PFKM: variants seen among roughly 807,000 people sequenced by gnomAD.
The protein encoded by PFKM is phosphofructokinase, muscle.
PFKM carries 58 observed loss-of-function variants against 95.5 expected under a neutral mutation model. The ratio of observed to expected loss-of-function variants is 0.61; its 90% CI spans 0.49 to 0.76. PFKM has a LOEUF of 0.76. Ranked by LOEUF, PFKM falls within the 30% of genes least tolerant of loss-of-function variation. The pLI is 0.00. For missense variants in PFKM, 678 were observed against 1,005.4 expected (o/e 0.67, Z 4.40); for synonymous variants, 336 against 357.2 (o/e 0.94, Z 0.67).
chr12:48,120,851 T>C (rs568682647), intron 1 of PFKM, among the ~76,000 whole-genome samples: 22 of 152,292 alleles, frequency 1.4e-4, no homozygotes, highest in Non-Finnish European at 2.9e-4. Context: ...ACGAAACTAT[T>C]AAAATGCCAC....
intron 14 of PFKM, 92 bp from the exon 15 acceptor site, chr12:48,141,219 G>GGGT: frequency 8.3e-7 from 1 of 1,197,956 alleles, no homozygotes; most frequent in East Asian, 2.3e-5. Context: ...GGGGATCCAG[G>GGGT]GGTAGGGTTA....
chr12:48,128,973 A>G (rs1272673369), intron 2 of PFKM, among the ~76,000 whole-genome samples: 2 of 152,164 alleles, frequency 1.3e-5, no homozygotes, highest in Non-Finnish European at 2.9e-5. Flanking sequence ...TCTCTCACCA[A>G]TAAGGCCATG....
At chr12:48,115,692 G>A (rs1236837059), upstream of PFKM, among the ~76,000 whole-genome samples, 1 of 152,132 alleles carries the variant, frequency 6.6e-6, no homozygotes, top group Non-Finnish European at 1.5e-5. Context: ...ACCATCTTGG[G>A]CACATGTTCT....
At position 48,130,381 on chromosome 12, in the gene PFKM, G is replaced by T; in HGVS notation, c.104G>T (p.Arg35Met). 5.6e-6 allele frequency: 9 copies of T among 1,613,966 alleles called. No individual in the cohort carries two copies. Among genetic ancestry groups the T allele is most frequent in the Non-Finnish European group, 6.8e-6 (8 of 1,179,816 alleles). The change falls in exon 3 of 23, where the codon AGG becomes ATG. Residue 35 changes from arginine (R) to methionine (M), a missense_variant. Arg to Met is a moderately conservative substitution (Grantham distance 91, BLOSUM62 -1). Coordinates refer to ENST00000359794, the MANE Select transcript of PFKM (RefSeq NM_000289.6). ...CTTTCAGGTATGAATGCTGCTGTCA[G>T]GGCTGTGGTTCGAGTTGGTATCTTC... ...GDAQGMNAAV[R>M]AVVRVGIFTG...
At chr12:48,142,318 C>T in intron 17 of PFKM, 1 of 507,988 alleles carries the variant, frequency 2.0e-6, no homozygotes, top group South Asian at 2.0e-5. Context: ...ACTAAAAATA[C>T]AAAAACTAGC....
chr12:48,134,261 TG>T lies in PFKM; in HGVS notation c.626del (p.Gly209AlafsTer113). ...SHQRTFVLEV[M>X]GRHCGYLALV... ...CAGAGGACATTTGTGTTAGAAGTAA[TG>T]GGCCGCCACTGTGGGTAAGATCCTC... On this transcript the variant is annotated frameshift_variant, in exon 7 of 23. Coordinates refer to ENST00000359794, the MANE Select transcript of PFKM (RefSeq NM_000289.6). LOFTEE classifies it high-confidence loss of function. 1 of 1,613,910 alleles carries T rather than the reference TG, an allele frequency of 6.2e-7. No individual in the cohort carries two copies. Among genetic ancestry groups the T allele is most frequent in the Non-Finnish European group, 8.5e-7 (1 of 1,179,780 alleles).
chr12:48,106,029 G>A (rs1434091793), exon 1 of PFKM: 2 of 701,412 alleles, frequency 2.9e-6, no homozygotes, highest in African/African-American at 1.7e-5. Context: ...GCCACTCACC[G>A]AACCGGAACC....
chr12:48,142,512 G>GT, intron 17 of PFKM: 1 of 487,794 alleles, frequency 2.1e-6, no homozygotes, highest in Non-Finnish European at 3.6e-6. Flanking sequence ...CAAATGTTTT[G>GT]TTTGTTTTTT....
intron 1 of PFKM, among the ~76,000 whole-genome samples, chr12:48,121,786 A>T (rs1475112119): frequency 6.6e-6 from 1 of 152,202 alleles, no homozygotes; most frequent in African/African-American, 2.4e-5. Context: ...GAGGGGATGG[A>T]TAAAGGAAGA....
chr12:48,108,958 A>G (rs986320931), intron 3 of PFKM, among the ~76,000 whole-genome samples: 2 of 152,244 alleles, frequency 1.3e-5, no homozygotes, highest in African/African-American at 2.4e-5. Flanking sequence ...CAGAAAGTTG[A>G]TAATTTCATT....
At chr12:48,118,495 A>G (rs566754366), upstream of PFKM, 7 of 1,489,810 alleles carry the variant, frequency 4.7e-6, 1 homozygote, top group South Asian at 8.4e-5. Flanking sequence ...GTGCAGAGGT[A>G]GAGATACAAG....
At chr12:48,107,373 C>T in exon 2 of PFKM, 1 of 1,591,796 alleles carries the variant, frequency 6.3e-7, no homozygotes, top group Non-Finnish European at 8.5e-7. Flanking sequence ...AGGAGGCAGC[C>T]ATGCATAAAG....
intron 2 of PFKM, among the ~76,000 whole-genome samples, chr12:48,127,597 A>G (rs575322511): frequency 1.7e-4 from 26 of 152,220 alleles, no homozygotes; most frequent in African/African-American, 6.0e-4. Context: ...TTTTGTCCCA[A>G]ATGCTACTCT....
At chr12:48,135,601 G>A (rs568759976) in intron 10 of PFKM, among the ~76,000 whole-genome samples, 23 of 152,224 alleles carry the variant, frequency 1.5e-4, no homozygotes, top group Non-Finnish European at 2.5e-4. Flanking sequence ...CTAATGGTGA[G>A]GAACAATATC....
At chr12:48,113,859 A>G (rs1440070534) in intron 3 of PFKM, among the ~76,000 whole-genome samples, 1 of 152,174 alleles carries the variant, frequency 6.6e-6, no homozygotes, top group South Asian at 2.1e-4. Context: ...TAAAATGCTT[A>G]TTAGGAATAA....
chr12:48,140,017 C>A, intron 13 of PFKM, 105 bp downstream of exon 13: 1 of 751,460 alleles, frequency 1.3e-6, no homozygotes, highest in South Asian at 1.5e-5. Context: ...GCCAACTTCT[C>A]TGCCCCACTC....
chr12:48,141,671 C>G, intron 15 of PFKM, 69 bp from the exon 16 acceptor site: 1 of 1,172,086 alleles, frequency 8.5e-7, no homozygotes, highest in Non-Finnish European at 1.3e-6. Flanking sequence ...CTTTTCTCCC[C>G]CTCAATTTTC....
At chr12:48,106,987 A>T (rs1195517567) in intron 1 of PFKM, among the ~76,000 whole-genome samples, 1 of 152,188 alleles carries the variant, frequency 6.6e-6, no homozygotes, top group Non-Finnish European at 1.5e-5. Flanking sequence ...TTGTTCATTC[A>T]GGCTTTTTGT....
rs371317960 is a variant in PFKM at position 48,140,719 on chromosome 12, T to A, written c.1192-3T>A. On this transcript the variant is annotated splice_region_variant and splice_polypyrimidine_tract_variant and intron_variant, in intron 13 of 22. Coordinates refer to ENST00000359794, the MANE Select transcript of PFKM (RefSeq NM_000289.6). Reference sequence around the variant, plus strand: ...TCATTTTTCCCTGCTTCCTCCTGTATAGAGTGGTTCGCACACAGTGGCTGT... The same window carrying A: ...TCATTTTTCCCTGCTTCCTCCTGTAAAGAGTGGTTCGCACACAGTGGCTGT... The A allele has an allele frequency of 6.2e-7, 1 of 1,613,898 alleles. No individual in the cohort carries two copies. Among genetic ancestry groups the A allele is most frequent in the Non-Finnish European group, 8.5e-7 (1 of 1,179,950 alleles).
Sources: gnomAD v4.1 joint callset for allele counts (sites outside exome capture counted in the v4.1 genomes callset) on GRCh38, gnomAD v4.1.1 for gene constraint, MANE v1.5 for transcripts, NCBI Gene and HGNC (gene_info 2026-07-23, HGNC 2026-07-21) for gene names.